The following CSMD1 variants were observed in gnomAD, a reference collection of about 807,000 sequenced individuals.
CSMD1 encodes the protein CUB and sushi domain-containing protein 1.
Under a neutral mutation model 417.5 loss-of-function variants are expected in CSMD1, and 213 were observed. The observed-to-expected ratio is 0.51, with a 90% CI of 0.46 to 0.57. The LOEUF (loss-of-function observed/expected upper bound fraction) is 0.57. CSMD1 is among the 20% of genes least tolerant of loss of function. The pLI is 0.00. For missense variants in CSMD1, 6,923 were observed against 4,529.7 expected (o/e 1.53, Z -15.17); for synonymous variants, 2,862 against 1,736.8 (o/e 1.65, Z -16.11).
chr8:3,695,756 A>C (rs1800518946), intron 7 of CSMD1, among the ~76,000 whole-genome samples: 1 of 152,224 alleles, frequency 6.6e-6, no homozygotes, highest in South Asian at 2.1e-4. Flanking sequence ...CCCTAGTCTG[A>C]GCATATTCAA....
intron 1 of CSMD1, among the ~76,000 whole-genome samples, chr8:4,834,977 A>AAAAGAAAG (rs1162672231): frequency 1.2e-4 from 4 of 32,238 alleles, no homozygotes; most frequent in Admixed American, 6.2e-4. Context: ...AAAAAAAAAA[A>AAAAGAAAG]AAAGAAAGAA....
chr8:3,916,812 T>C (rs1234657899), intron 5 of CSMD1, among the ~76,000 whole-genome samples: 1 of 151,928 alleles, frequency 6.6e-6, no homozygotes, highest in Non-Finnish European at 1.5e-5. Flanking sequence ...TGAAGATGGA[T>C]TATGGGGGGT....
At chr8:3,567,336 G>A (rs1040961233) in intron 10 of CSMD1, among the ~76,000 whole-genome samples, 2 of 151,378 alleles carry the variant, frequency 1.3e-5, no homozygotes, top group Admixed American at 1.3e-4. Context: ...TTAATACCTG[G>A]GTGATGAATC....
At chr8:4,231,966 T>C (rs1801760813) in intron 3 of CSMD1, among the ~76,000 whole-genome samples, 1 of 152,196 alleles carries the variant, frequency 6.6e-6, no homozygotes, top group East Asian at 1.9e-4. Context: ...CCTTTCTTTC[T>C]TTTGCAAAAG....
rs1430409155 is a variant in CSMD1, at chr8:4,713,379, G to GTTTTC, written c.86-75822_86-75821insGAAAA. 1.1e-4 allele frequency among the ~76,000 whole-genome samples: 5 copies of GTTTTC among 46,536 alleles called. No homozygotes were observed. In the South Asian group the frequency reaches 3.5e-3, roughly 33 times the overall value. 30.5% of individuals were successfully genotyped at this position (46,536 alleles called of 152,430 possible). ...TTTTATTAGTCAGCTTTGTGTTTTT[G>GTTTTC]TTTTGTTTTGTTTTGTTTTGTTTTG... On this transcript the variant is annotated intron_variant, in intron 1 of 69. Coordinates refer to ENST00000635120, the MANE Select transcript of CSMD1 (RefSeq NM_033225.6).
Position 4,420,367 on chromosome 8 carries a change from CT to C in CSMD1, c.303-303del, listed in dbSNP as rs887358214. On this transcript the variant is annotated intron_variant, in intron 2 of 69. Coordinates refer to ENST00000635120, the MANE Select transcript of CSMD1 (RefSeq NM_033225.6). The stretch of plus-strand genomic sequence containing the variant: ...TTGGATGGCAATTATCTACTGCCAA[CT>C]TTTTTTTTTATTTGAATTTTTAAGT... 5.4e-3 allele frequency among the ~76,000 whole-genome samples: 797 copies of C among 148,458 alleles called. 2 individuals are homozygous for C. Among genetic ancestry groups the C allele is most frequent in the African/African-American group, 0.019 (767 of 40,670 alleles).
chr8:4,949,224 T>A (rs1808571937), intron 1 of CSMD1, among the ~76,000 whole-genome samples: 1 of 152,174 alleles, frequency 6.6e-6, no homozygotes, highest in Non-Finnish European at 1.5e-5. Context: ...GTCTATAATT[T>A]TTTTAGAATT....
chr8:3,302,388 T>G (rs1804484863), intron 25 of CSMD1, among the ~76,000 whole-genome samples: 2 of 152,208 alleles, frequency 1.3e-5, no homozygotes, highest in Non-Finnish European at 2.9e-5. Flanking sequence ...TGAGTTTCCC[T>G]GGCTGCCTAT....
intron 3 of CSMD1, among the ~76,000 whole-genome samples, chr8:4,032,764 T>C (rs1186308194): frequency 6.6e-6 from 1 of 152,224 alleles, no homozygotes; most frequent in Non-Finnish European, 1.5e-5. Context: ...ACAGAAATAC[T>C]GAATTCACTT....
At chr8:4,805,733 C>T (rs925031153) in intron 1 of CSMD1, among the ~76,000 whole-genome samples, 1 of 152,244 alleles carries the variant, frequency 6.6e-6, no homozygotes, top group East Asian at 1.9e-4. Flanking sequence ...ATAATTTGTT[C>T]AAATTCCAGA....
chr8:4,033,941 C>A (rs932076487), intron 3 of CSMD1, among the ~76,000 whole-genome samples: 3 of 152,156 alleles, frequency 2.0e-5, no homozygotes, highest in Admixed American at 2.0e-4. Context: ...AGTATGTCAT[C>A]AGTAAATTAG....
intron 10 of CSMD1, among the ~76,000 whole-genome samples, chr8:3,529,743 G>A (rs931973189): frequency 9.2e-5 from 14 of 152,100 alleles, no homozygotes; most frequent in African/African-American, 3.1e-4. Context: ...CACAGGAAAC[G>A]GAATTTAGCC....
intron 1 of CSMD1, among the ~76,000 whole-genome samples, chr8:4,948,117 C>T (rs1020847693): frequency 2.6e-5 from 4 of 151,946 alleles, no homozygotes; most frequent in Admixed American, 1.3e-4. Flanking sequence ...TCCAAATGGT[C>T]GTATCAATTT....
At chr8:4,888,197 G>A (rs745856678) in intron 1 of CSMD1, among the ~76,000 whole-genome samples, 1 of 151,798 alleles carries the variant, frequency 6.6e-6, no homozygotes, top group Non-Finnish European at 1.5e-5. Flanking sequence ...TATTCATGAA[G>A]TATAATAAAA....
chr8:3,745,632 T>A (rs1205015253), intron 6 of CSMD1, among the ~76,000 whole-genome samples: 1 of 152,192 alleles, frequency 6.6e-6, no homozygotes, highest in East Asian at 1.9e-4. Context: ...ACTGAGACTC[T>A]GAAGCATTTG....
chr8:4,924,283 T>G (rs1806702137), intron 1 of CSMD1, among the ~76,000 whole-genome samples: 1 of 152,250 alleles, frequency 6.6e-6, no homozygotes, highest in Non-Finnish European at 1.5e-5. Context: ...ATCATTTTAC[T>G]AAGATATTTT....
intron 1 of CSMD1, among the ~76,000 whole-genome samples, chr8:4,788,958 T>C (rs576465236): frequency 1.3e-5 from 2 of 152,286 alleles, no homozygotes; most frequent in African/African-American, 4.8e-5. Flanking sequence ...AGTTCTGACA[T>C]GAACTGAGAT....
intron 10 of CSMD1, among the ~76,000 whole-genome samples, chr8:3,538,372 G>C (rs1016180300): frequency 5.3e-5 from 8 of 152,150 alleles, no homozygotes; most frequent in Non-Finnish European, 8.8e-5. Flanking sequence ...ATGCACCTGG[G>C]ATTCCACACC....
intron 3 of CSMD1, among the ~76,000 whole-genome samples, chr8:4,178,285 T>C (rs1187629849): frequency 6.6e-6 from 1 of 151,596 alleles, no homozygotes; most frequent in Non-Finnish European, 1.5e-5. Context: ...TATACGCAAA[T>C]CAATAAATGT....
Sources: gnomAD v4.1 joint callset for allele counts (sites outside exome capture counted in the v4.1 genomes callset) on GRCh38, gnomAD v4.1.1 for gene constraint, MANE v1.5 for transcripts, NCBI Gene and HGNC (gene_info 2026-07-23, HGNC 2026-07-21) for gene names.